Variants in MYH11 observed in about 807,000 individuals in gnomAD.
The protein encoded by MYH11 is myosin heavy chain 11, also known as myosin-11.
Under a neutral mutation model 246.6 loss-of-function variants are expected in MYH11, and 80 were observed. That is an observed-to-expected ratio of 0.32 (90% CI 0.27 to 0.39). The LOEUF (loss-of-function observed/expected upper bound fraction) is 0.39. MYH11 is among the 10% of genes least tolerant of loss of function. MYH11 has a pLI of 1.00. For synonymous variants in MYH11, 1,071 were observed against 1,015.5 expected (o/e 1.05, Z -1.04); for missense variants, 2,158 against 2,546.8 (o/e 0.85, Z 3.29).
chr16:15,765,926 G>A (rs1049127832), intron 9 of MYH11, among the ~76,000 whole-genome samples: 1 of 152,188 alleles, frequency 6.6e-6, no homozygotes, highest in South Asian at 2.1e-4. Context: ...CAGCCCAGGC[G>A]AGCCGGCCAA....
chr16:15,725,787 A>G (rs2040724669), intron 28 of MYH11: 1 of 398,594 alleles, frequency 2.5e-6, no homozygotes. Context: ...GTAAATGGCT[A>G]TGCCAAGTGA....
chr16:15,731,777 G>A (rs2040968585), intron 27 of MYH11, among the ~76,000 whole-genome samples: 1 of 151,482 alleles, frequency 6.6e-6, no homozygotes, highest in Admixed American at 6.6e-5. Flanking sequence ...CAGACATGGT[G>A]AGCCACCGTG....
At chr16:15,766,328 T>G (rs929141355) in intron 9 of MYH11, among the ~76,000 whole-genome samples, 1 of 150,558 alleles carries the variant, frequency 6.6e-6, no homozygotes, top group Non-Finnish European at 1.5e-5. Context: ...TTATGTGAAG[T>G]GTACCCATGT....
At position 15,724,257 on chromosome 16, in the gene MYH11, G is replaced by T. The variant is rs990642038; in HGVS notation, c.4269C>A (p.Asn1423Lys). Residue 1423 changes from asparagine (N) to lysine (K), a missense_variant, in exon 31 of 41, where the codon AAC (asparagine) becomes AAA (lysine). Physicochemically the swap from Asn to Lys is moderately conservative, Grantham distance 94. This residue lies in a region of MYH11 where 1,013 missense variants were observed against 993.5 expected (regional missense o/e 1.02). Coordinates refer to ENST00000300036, the MANE Select transcript of MYH11 (RefSeq NM_002474.3). ...AAYDKLEKTK[N>K]RLQQELDDLV... ...GGTCGTCCAGCTCCTGCTGAAGCCTGTTCTTGGTCTTTTCCAGTTTATCAT... is the reference window on the plus strand; with the variant it reads ...GGTCGTCCAGCTCCTGCTGAAGCCTTTTCTTGGTCTTTTCCAGTTTATCAT... 6 of 1,614,218 alleles carry T rather than the reference G, an allele frequency of 3.7e-6. 1 individual carries two copies. The highest frequency in any genetic ancestry group is 1.7e-5 in the Admixed American group (1 of 60,024).
At chr16:15,753,235 T>C (rs891324348) in intron 15 of MYH11, among the ~76,000 whole-genome samples, 159 bp downstream of exon 15, 7 of 152,136 alleles carry the variant, frequency 4.6e-5, no homozygotes, top group Non-Finnish European at 7.4e-5. Flanking sequence ...CAGGAAGAAA[T>C]TGTTTCAACG....
At chr16:15,749,989 G>C in intron 16 of MYH11, 149 bp downstream of exon 16, 1 of 976,368 alleles carries the variant, frequency 1.0e-6, no homozygotes, top group Non-Finnish European at 1.5e-6. Context: ...TCCAGGGATG[G>C]GGAATGGGTC....
At chr16:15,802,642 T>C (rs148841852) in intron 3 of MYH11, among the ~76,000 whole-genome samples, 4,499 of 152,206 alleles carry the variant, frequency 0.03, 214 homozygotes, top group African/African-American at 0.1. Context: ...AGAGATTGGG[T>C]CTTGCTATGT....
chr16:15,765,410 G>T (rs372968136), intron 9 of MYH11, among the ~76,000 whole-genome samples: 1 of 152,120 alleles, frequency 6.6e-6, no homozygotes, highest in African/African-American at 2.4e-5. Flanking sequence ...AGAATTGATG[G>T]AGGAATGGAT....
chr16:15,778,899 C>T (rs2042285215), intron 6 of MYH11, 56 bp from the exon 7 acceptor site: 1 of 1,555,958 alleles, frequency 6.4e-7, no homozygotes, highest in African/African-American at 1.4e-5. Context: ...CCGTTAACCC[C>T]ATGCTGTGGG....
At chr16:15,704,997 A>G (rs947867449) in intron 40 of MYH11, among the ~76,000 whole-genome samples, 1 of 152,074 alleles carries the variant, frequency 6.6e-6, no homozygotes, top group Admixed American at 6.5e-5. Context: ...GGATTTAAAA[A>G]AGAAATTTAA....
At position 15,714,958 on chromosome 16, in the gene MYH11, T is replaced by G. The variant is rs760586766; in HGVS notation, c.5737A>C (p.Ser1913Arg). 19 of 1,614,104 alleles carry G rather than the reference T, an allele frequency of 1.2e-5. No homozygotes were observed. Among genetic ancestry groups the G allele is most frequent in the Non-Finnish European group, 1.6e-5 (19 of 1,180,044 alleles). ...ACCTCGCGGCCCATGGCCTCGTTGC[T>G]CTCCGTGGCCTCATCCAGCTCCCGC... The part of the protein sequence containing the change: ...LQRELDEATE[S>R]NEAMGREVNA... Residue 1913 changes from serine (S) to arginine (R), a missense_variant, in exon 40 of 41, where the codon AGC becomes CGC. Around this residue, in one of 11 missense-constraint regions of MYH11, gnomAD observed 1,013 missense variants for 993.5 expected, o/e 1.02. Transcript: ENST00000300036.
At chr16:15,751,675 C>T (rs1005003924) in intron 15 of MYH11, among the ~76,000 whole-genome samples, 4 of 148,334 alleles carry the variant, frequency 2.7e-5, no homozygotes, top group Admixed American at 1.4e-4. Flanking sequence ...AGCAGTGGCA[C>T]GATCTTGGCT....
intron 2 of MYH11, among the ~76,000 whole-genome samples, chr16:15,827,529 G>A (rs1223044380): frequency 2.0e-5 from 3 of 152,136 alleles, no homozygotes; most frequent in Non-Finnish European, 2.9e-5. Context: ...GTGGGGCTGG[G>A]AGTGGGGGGC....
chr16:15,719,114 T>A (rs2040327191), intron 36 of MYH11, 106 bp downstream of exon 36: 1 of 1,138,546 alleles, frequency 8.8e-7, no homozygotes, highest in Non-Finnish European at 1.3e-6. Context: ...GGTGACAGAA[T>A]GAAACTCTGT....
At chr16:15,820,835 G>A (rs1233913224) in intron 3 of MYH11, among the ~76,000 whole-genome samples, 1 of 152,134 alleles carries the variant, frequency 6.6e-6, no homozygotes, top group Non-Finnish European at 1.5e-5. Context: ...TTACATGTAA[G>A]CTGAAATTAA....
chr16:15,813,851 C>CAA (rs34708718), intron 3 of MYH11, among the ~76,000 whole-genome samples: 15,313 of 141,868 alleles, frequency 0.11, 919 homozygotes, highest in Non-Finnish European at 0.13. Context: ...GGGGAAAAGG[C>CAA]AAAAAAAAAA....
chr16:15,816,657 G>T (rs11641501), intron 3 of MYH11, among the ~76,000 whole-genome samples: 13,348 of 152,076 alleles, frequency 0.088, 657 homozygotes, highest in Middle Eastern at 0.12. Flanking sequence ...GGAAATAGGG[G>T]CAAATCCAGA....
intron 16 of MYH11, chr16:15,749,797 C>T: frequency 2.3e-6 from 1 of 438,988 alleles, no homozygotes; most frequent in East Asian, 4.0e-5. Context: ...ATGCCTGCAC[C>T]AGATTATGAG....
rs372223335 is a variant in MYH11 at position 15,758,005 on chromosome 16, G to C, written c.1402-5C>G. On this transcript the variant is annotated splice_region_variant and splice_polypyrimidine_tract_variant and intron_variant, in intron 12 of 40. Coordinates refer to ENST00000300036, the MANE Select transcript of MYH11 (RefSeq NM_002474.3). ...CAGCTGCTCGAAGGAGTTCACCTGA[G>C]CACATGGCGTGGGGGCGGGGCGTGA... The C allele has an allele frequency of 1.2e-6, 2 of 1,613,642 alleles. No individual in the cohort carries two copies.
Sources: allele counts gnomAD v4.1 joint callset (sites outside exome capture counted in the v4.1 genomes callset), GRCh38; gene constraint gnomAD v4.1.1; regional missense constraint gnomAD v4.1.1; transcripts MANE v1.5; gene names NCBI Gene and HGNC (gene_info 2026-07-23, HGNC 2026-07-21).